TRMT9B: variants seen among roughly 807,000 people sequenced by gnomAD.
TRMT9B encodes probable tRNA methyltransferase 9B.
A neutral mutation model predicts 11.5 loss-of-function variants in TRMT9B; 16 were observed. The ratio of observed to expected loss-of-function variants is 1.39; its 90% CI spans 0.94 to 2.11. The LOEUF (loss-of-function observed/expected upper bound fraction) is 2.11. Ranked by LOEUF, TRMT9B falls within the 30% of genes most tolerant of loss-of-function variation. The pLI is 0.00. For missense variants in TRMT9B, 941 were observed against 553.8 expected (o/e 1.70, Z -7.02); for synonymous variants, 274 against 192.4 (o/e 1.42, Z -3.51).
chr8:12,973,826 C>T (rs1310526088), intron 1 of TRMT9B, among the ~76,000 whole-genome samples: 1 of 152,060 alleles, frequency 6.6e-6, no homozygotes, highest in African/African-American at 2.4e-5. Context: ...CCCACCGTGC[C>T]CAGAGATCAC....
Position 13,021,100 on chromosome 8 carries a change from G to A in TRMT9B, c.421G>A (p.Val141Ile), listed in dbSNP as rs373979768. 6.8e-5 allele frequency: 110 copies of A among 1,611,072 alleles called. No homozygotes were observed. The highest frequency in any genetic ancestry group is 4.8e-4 in the South Asian group (44 of 90,760). The change falls in exon 5 of 5, where the codon GTT becomes ATT. Residue 141 changes from valine (V) to isoleucine (I), a missense_variant. Physicochemically the swap from Val to Ile is conservative, Grantham distance 29. Coordinates refer to ENST00000524591, the MANE Select transcript of TRMT9B (RefSeq NM_020844.3). ...LVPGGQLMIY[V>I]WAMEQKNRHF... The stretch of plus-strand genomic sequence containing the variant: ...TCCCGGAGGCCAACTGATGATTTAC[G>A]TTTGGGCAATGGAACAAAAGAACCG...
chr8:12,983,602 G>A (rs1017400664), intron 1 of TRMT9B, among the ~76,000 whole-genome samples: 4 of 152,084 alleles, frequency 2.6e-5, no homozygotes, highest in Admixed American at 2.0e-4. Flanking sequence ...TCCAGGAGGC[G>A]GAGGTAGCAG....
At chr8:12,965,944 C>T (rs1290699112) in intron 1 of TRMT9B, among the ~76,000 whole-genome samples, 4 of 150,778 alleles carry the variant, frequency 2.7e-5, no homozygotes, top group Non-Finnish European at 5.9e-5. Context: ...ACCTGGGAGG[C>T]GGAAGTAGTA....
intron 3 of TRMT9B, chr8:13,006,774 T>G: frequency 8.6e-6 from 5 of 579,068 alleles, no homozygotes; most frequent in Non-Finnish European, 1.2e-5. Context: ...GTTCAACTGA[T>G]TCTCCTGCCT....
At chr8:13,006,626 C>T (rs1163380508) in intron 3 of TRMT9B, 2 of 1,372,472 alleles carry the variant, frequency 1.5e-6, no homozygotes, top group African/African-American at 1.4e-5. Context: ...AAACTCGAGA[C>T]AGTCAAGTCA....
At chr8:13,016,058 C>T (rs1812591618) in intron 4 of TRMT9B, among the ~76,000 whole-genome samples, 1 of 149,104 alleles carries the variant, frequency 6.7e-6, no homozygotes, top group Admixed American at 6.8e-5. Flanking sequence ...CCAGCCTGGG[C>T]AACCTAAAGA....
chr8:12,980,683 C>A (rs754656748), intron 1 of TRMT9B, among the ~76,000 whole-genome samples: 1 of 152,086 alleles, frequency 6.6e-6, no homozygotes, highest in Non-Finnish European at 1.5e-5. Context: ...GCACAGGAGA[C>A]GAATCCTACA....
In TRMT9B at chr8:13,027,398, C is replaced by G. The variant is rs1814816491; in HGVS notation, c.*5354C>G. On this transcript the variant is annotated 3_prime_UTR_variant, in exon 5 of 5. Coordinates refer to ENST00000524591, the MANE Select transcript of TRMT9B (RefSeq NM_020844.3). The stretch of plus-strand genomic sequence containing the variant: ...TTTAAGGAGTACCCTAAAGCTTGGA[C>G]TTAATCTAGCTTACCCTAGACGTAT... 6.0e-6 allele frequency: 1 copy of G among 167,170 alleles called. No homozygotes were observed. The highest frequency in any genetic ancestry group is 2.1e-4 in the South Asian group (1 of 4,828). 10.4% of individuals were successfully genotyped at this position (167,170 alleles called of 1,614,324 possible). A position where few individuals can be genotyped will look rare whatever the true frequency, so the allele number is the denominator to read the frequency against.
At chr8:13,017,865 C>T (rs1250425453) in intron 4 of TRMT9B, among the ~76,000 whole-genome samples, 1 of 151,556 alleles carries the variant, frequency 6.6e-6, no homozygotes, top group Non-Finnish European at 1.5e-5. Context: ...CTCAAGTGAT[C>T]CGCCCACCTC....
At chr8:12,952,616 G>A (rs577783887) in intron 1 of TRMT9B, 2 of 882,362 alleles carry the variant, frequency 2.3e-6, no homozygotes, top group African/African-American at 3.6e-5. Context: ...TAATTAGTAA[G>A]AGGCAAAGAA....
At position 13,021,548 on chromosome 8, in the gene TRMT9B, C is replaced by T; in HGVS notation, c.869C>T (p.Ser290Phe). Residue 290 changes from serine to phenylalanine, a missense_variant, in exon 5 of 5, where the codon TCT becomes TTT. Coordinates refer to ENST00000524591, the MANE Select transcript of TRMT9B (RefSeq NM_020844.3). ...GTAACAGTCCAGCCTTCCAGACACT[C>T]TAGTTTAGACTTTGATCACCAAGAG... is the stretch of plus-strand genomic sequence containing the variant. ...STVTVQPSRH[S>F]SLDFDHQEPF... 6.2e-7 allele frequency: 1 copy of T among 1,613,882 alleles called. No individual in the cohort carries two copies. Among genetic ancestry groups the T allele is most frequent in the Non-Finnish European group, 8.5e-7 (1 of 1,179,840 alleles).
chr8:13,013,174 G>A (rs1292620867), intron 4 of TRMT9B, among the ~76,000 whole-genome samples: 1 of 152,108 alleles, frequency 6.6e-6, no homozygotes, highest in South Asian at 2.1e-4. Context: ...ATATTTAAAT[G>A]AAGCCAGATT....
chr8:12,951,576 G>C (rs1254536945), intron 1 of TRMT9B: 1 of 152,264 alleles, frequency 6.6e-6, no homozygotes, highest in East Asian at 1.9e-4. Flanking sequence ...TGCAGGGAAC[G>C]GGGCGGGGAG....
In TRMT9B at chr8:13,022,509, T is replaced by C. The variant is rs901106944; in HGVS notation, c.*465T>C. On this transcript the variant is annotated 3_prime_UTR_variant, in exon 5 of 5. Transcript: ENST00000524591. ...GTAAATTTGATCCATTGCACAGATATACTTTGAACCATGTGATGAGTTATC... is the reference window on the plus strand; with the variant it reads ...GTAAATTTGATCCATTGCACAGATACACTTTGAACCATGTGATGAGTTATC... The C allele has an allele frequency of 6.0e-6, 1 of 167,738 alleles. No individual in the cohort carries two copies. Among genetic ancestry groups the C allele is most frequent in the African/African-American group, 2.4e-5 (1 of 41,482 alleles). The allele number at this position is 167,738 out of a possible 1,614,324, so 10.4% of individuals were successfully genotyped here. A position where few individuals can be genotyped will look rare whatever the true frequency, so the allele number is the denominator to read the frequency against.
At position 13,012,805 on chromosome 8, in the gene TRMT9B, C is replaced by A. The variant is rs753545815; in HGVS notation, c.276C>A (p.Asn92Lys). 6.2e-7 allele frequency: 1 copy of A among 1,613,942 alleles called. No individual in the cohort carries two copies. Among genetic ancestry groups the A allele is most frequent in the Non-Finnish European group, 8.5e-7 (1 of 1,179,886 alleles). ...NRGCEAMVCD[N>K]LNLPFRDEGF... The stretch of plus-strand genomic sequence containing the variant: ...GATGTGAAGCCATGGTATGTGACAA[C>A]CTTAATCTCCCCTTTAGGGATGAGG... The change falls in exon 4 of 5, where the codon AAC becomes AAA. Residue 92 changes from asparagine (N) to lysine (K), a missense_variant. Physicochemically the swap from Asn to Lys is moderately conservative, Grantham distance 94 (BLOSUM62 0). Transcript: ENST00000524591.
At position 12,986,272 on chromosome 8, in the gene TRMT9B, G is replaced by A. The variant is rs141395242; in HGVS notation, c.-199-4562G>A. On this transcript the variant is annotated intron_variant, in intron 1 of 4. Transcript: ENST00000524591. ...AAGTCTAAAACCTACACCTCCTGTC[G>A]CATTTCCTCTGATGGTGAACCACTG... Among the ~76,000 whole-genome samples the A allele has an allele frequency of 4.5e-4, 69 of 152,004 alleles. No individual in the cohort carries two copies. The East Asian group carries it at 7.9e-3, about 17-fold the overall frequency.
In TRMT9B at chr8:13,025,634, A is replaced by G. The variant is rs1814603066; in HGVS notation, c.*3590A>G. On this transcript the variant is annotated 3_prime_UTR_variant, in exon 5 of 5. Transcript: ENST00000524591. Reference sequence around the variant, plus strand: ...TAACATGGACAAAGGATGGAATCAAAATAATGTTATAGTGAGAATCATTCA... The same window carrying G: ...TAACATGGACAAAGGATGGAATCAAGATAATGTTATAGTGAGAATCATTCA... 1 of 167,114 alleles carries G rather than the reference A, an allele frequency of 6.0e-6. No homozygotes were observed. Among genetic ancestry groups the G allele is most frequent in the African/African-American group, 2.4e-5 (1 of 41,474 alleles). 10.4% of individuals were successfully genotyped at this position (167,114 alleles called of 1,614,324 possible). A position where few individuals can be genotyped will look rare whatever the true frequency, so the allele number is the denominator to read the frequency against.
chr8:12,997,972 C>T (rs1014360220), intron 2 of TRMT9B, among the ~76,000 whole-genome samples: 26 of 152,100 alleles, frequency 1.7e-4, no homozygotes, highest in African/African-American at 5.8e-4. Context: ...CCTATTGTGG[C>T]TTAAATTTGC....
intron 2 of TRMT9B, among the ~76,000 whole-genome samples, chr8:13,005,858 T>A (rs999945610): frequency 3.9e-5 from 6 of 152,218 alleles, no homozygotes; most frequent in African/African-American, 1.4e-4. Flanking sequence ...CTATTTAGCA[T>A]CAGATACAAT....
Sources: gnomAD v4.1 joint callset for allele counts (sites outside exome capture counted in the v4.1 genomes callset) on GRCh38, gnomAD v4.1.1 for gene constraint, MANE v1.5 for transcripts, NCBI Gene and HGNC (gene_info 2026-07-23, HGNC 2026-07-21) for gene names.